Variants in SPMIP4 observed in about 807,000 individuals in gnomAD.
SPMIP4 encodes sperm-associated microtubule inner protein 4.
the SPMIP4 span, among the ~76,000 whole-genome samples, chr7:25,161,519 G>A: frequency 6.6e-6 from 1 of 151,786 alleles, no homozygotes; most frequent in African/African-American, 2.4e-5. Context: ...TTACAGACAT[G>A]AGCTACTGTG....
the SPMIP4 span, among the ~76,000 whole-genome samples, chr7:25,145,251 A>T: frequency 1.9e-3 from 292 of 152,074 alleles, 1 homozygote; most frequent in African/African-American, 6.7e-3. Context: ...GGCATGAGTC[A>T]CCATGCCCGG....
At chr7:25,136,370 C>A in the SPMIP4 span, 7 of 1,613,792 alleles carry the variant, frequency 4.3e-6, no homozygotes, top group East Asian at 1.6e-4. The surrounding 1 kb of genome is among the most constrained non-coding windows in gnomAD (Gnocchi z 5.7). Context: ...ATCCAGTGGT[C>A]TGGTTTACAG....
chr7:25,138,359 C>T, the SPMIP4 span, among the ~76,000 whole-genome samples: 3 of 152,150 alleles, frequency 2.0e-5, no homozygotes, highest in Non-Finnish European at 4.4e-5. This position sits in a 1 kb window ranked among gnomAD's most constrained non-coding sequence, Gnocchi z 6.2. Flanking sequence ...TAAAATCAAC[C>T]ATAAACAATC....
the SPMIP4 span, among the ~76,000 whole-genome samples, chr7:25,154,323 C>T: frequency 6.6e-6 from 1 of 152,290 alleles, no homozygotes. Flanking sequence ...TCTTTGCCTA[C>T]CATGTATCAT....
the SPMIP4 span, chr7:25,158,549 A>T: frequency 3.1e-6 from 5 of 1,602,704 alleles, no homozygotes; most frequent in Non-Finnish European, 4.3e-6. Flanking sequence ...AAAACAGGAA[A>T]CAAGTTCTAA....
the SPMIP4 span, among the ~76,000 whole-genome samples, chr7:25,134,525 T>C: frequency 6.6e-6 from 1 of 152,166 alleles, no homozygotes; most frequent in East Asian, 1.9e-4. Flanking sequence ...GAAGCATGAC[T>C]ATGACAATGC....
chr7:25,145,369 G>A, the SPMIP4 span, among the ~76,000 whole-genome samples: 3 of 152,184 alleles, frequency 2.0e-5, no homozygotes, highest in Non-Finnish European at 2.9e-5. Context: ...TCAAGGGCAC[G>A]GGAAAGGAAA....
At chr7:25,158,607 T>A in the SPMIP4 span, 1 of 1,188,082 alleles carries the variant, frequency 8.4e-7, no homozygotes. Flanking sequence ...AGAAACTTGA[T>A]TAATGATATA....
At chr7:25,155,191 C>A in the SPMIP4 span, 1 of 1,502,898 alleles carries the variant, frequency 6.7e-7, no homozygotes, top group Non-Finnish European at 8.9e-7. Flanking sequence ...AAGCAGATCT[C>A]TCTAAGATTT....
chr7:25,136,426 T>C, the SPMIP4 span: 1 of 1,614,170 alleles, frequency 6.2e-7, no homozygotes, highest in East Asian at 2.2e-5. This position sits in a 1 kb window ranked among gnomAD's most constrained non-coding sequence, Gnocchi z 5.7. Context: ...CCAGTATAAA[T>C]CTTCTGTCTT....
At chr7:25,152,964 G>A in the SPMIP4 span, among the ~76,000 whole-genome samples, 4 of 151,794 alleles carry the variant, frequency 2.6e-5, no homozygotes, top group South Asian at 2.1e-4. Context: ...GGCTGGTCTC[G>A]AACTCCTGGC....
the SPMIP4 span, among the ~76,000 whole-genome samples, chr7:25,156,540 T>G: frequency 6.6e-6 from 1 of 152,188 alleles, no homozygotes; most frequent in African/African-American, 2.4e-5. Flanking sequence ...GGTCTTTAGC[T>G]GAAACACAAT....
chr7:25,136,449 G>C, the SPMIP4 span: 1 of 1,614,118 alleles, frequency 6.2e-7, no homozygotes, highest in Admixed American at 1.7e-5. This position sits in a 1 kb window ranked among gnomAD's most constrained non-coding sequence, Gnocchi z 5.7. Flanking sequence ...TAGTATCTGT[G>C]ATTTTTGGAA....
chr7:25,141,349 G>A, the SPMIP4 span, among the ~76,000 whole-genome samples: 5 of 152,082 alleles, frequency 3.3e-5, no homozygotes, highest in East Asian at 1.9e-4. Context: ...CGAGGCGGGC[G>A]AATCACGAGG....
At chr7:25,167,890 A>G in the SPMIP4 span, among the ~76,000 whole-genome samples, 1 of 152,242 alleles carries the variant, frequency 6.6e-6, no homozygotes, top group East Asian at 1.9e-4. Context: ...GAAAGGTTTT[A>G]TCACCTGAAA....
chr7:25,143,575 TAA>T, the SPMIP4 span, among the ~76,000 whole-genome samples: 1 of 139,076 alleles, frequency 7.2e-6, no homozygotes, highest in East Asian at 2.0e-4. Flanking sequence ...ATAAAAGAAG[TAA>T]AGACACTTTT....
the SPMIP4 span, chr7:25,151,831 G>C: frequency 2.0e-6 from 1 of 492,602 alleles, no homozygotes; most frequent in South Asian, 3.3e-5. Flanking sequence ...GATTCAGCTT[G>C]CTCTTGAATT....
chr7:25,130,773 G>A, the SPMIP4 span, among the ~76,000 whole-genome samples: 1 of 152,236 alleles, frequency 6.6e-6, no homozygotes, highest in Non-Finnish European at 1.5e-5. Flanking sequence ...TTGCCTTACA[G>A]TTAAACTATA....
At chr7:25,151,684 C>T in the SPMIP4 span, 6 of 1,583,230 alleles carry the variant, frequency 3.8e-6, no homozygotes, top group Admixed American at 8.6e-5. Context: ...ATAAGGATTA[C>T]CTGAAAATTT....
Sources: gnomAD v4.1 joint callset for allele counts (sites outside exome capture counted in the v4.1 genomes callset) on GRCh38, gnomAD v4.1.1 for gene constraint, Gnocchi (gnomAD v3.1) non-coding constraint, MANE v1.5 for transcripts, NCBI Gene and HGNC (gene_info 2026-07-23, HGNC 2026-07-21) for gene names.